PCDH15: variants seen among roughly 807,000 people sequenced by gnomAD.
PCDH15 encodes protocadherin-15.
In PCDH15, 129 loss-of-function variants were observed where a neutral mutation model predicts 178.5. The observed-to-expected ratio is 0.72, with a 90% CI of 0.63 to 0.84. The LOEUF is 0.84. Among genes scored for constraint, PCDH15 ranks in the 40% least tolerant of loss-of-function variants. The pLI is 0.00. For missense variants in PCDH15, 2,230 were observed against 2,099.9 expected, an observed-to-expected ratio of 1.06 and a Z score of -1.21; for synonymous variants, 800 against 732.0, an observed-to-expected ratio of 1.09 and a Z score of -1.50.
chr10:55,582,628 A>ATATATTTTTTTTTT (rs780312007), intron 2 of PCDH15, among the ~76,000 whole-genome samples: 3 of 69,026 alleles, frequency 4.3e-5, no homozygotes, highest in African/African-American at 6.6e-5. Flanking sequence ...ATATATATAT[A>ATATATTTTTTTTTT]TTTTTTTTTT....
At chr10:55,293,246 A>G (rs563050287) in intron 1 of PCDH15, among the ~76,000 whole-genome samples, 1 of 152,294 alleles carries the variant, frequency 6.6e-6, no homozygotes, top group Admixed American at 6.5e-5. Context: ...GCTGTGACAC[A>G]GAGCACCAAG....
At chr10:54,795,602 C>G (rs924989366) in intron 1 of PCDH15, among the ~76,000 whole-genome samples, 1 of 151,830 alleles carries the variant, frequency 6.6e-6, no homozygotes, top group Non-Finnish European at 1.5e-5. Context: ...AAATTTTGGA[C>G]ACTGAGCTAG....
chr10:55,263,381 ACCACCTATGCCTAGAGGTG>A (rs1842197056), intron 1 of PCDH15, among the ~76,000 whole-genome samples: 1 of 152,196 alleles, frequency 6.6e-6, no homozygotes, highest in South Asian at 2.1e-4. Context: ...TGCAAATCAG[ACCACCTATGCCTAGAGGTG>A]CCACCTATGC....
intron 1 of PCDH15, among the ~76,000 whole-genome samples, chr10:55,218,002 A>C (rs549283928): frequency 7.9e-5 from 12 of 152,172 alleles, no homozygotes; most frequent in Non-Finnish European, 1.6e-4. Flanking sequence ...AAATCCTGTC[A>C]GTAGGAGCAT....
intron 2 of PCDH15, among the ~76,000 whole-genome samples, chr10:55,345,157 C>A (rs76327128): frequency 0.068 from 10,152 of 150,350 alleles, 406 homozygotes; most frequent in East Asian, 0.11. Flanking sequence ...CTCTCTCTCT[C>A]TATATATATA....
chr10:55,166,804 A>G (rs1315332209), intron 1 of PCDH15, among the ~76,000 whole-genome samples: 1 of 152,212 alleles, frequency 6.6e-6, no homozygotes, highest in South Asian at 2.1e-4. Context: ...AAAGTAAATG[A>G]GTAAAAGATT....
At position 54,909,548 on chromosome 10, in the gene PCDH15, C is replaced by T. The variant is rs571572371; in HGVS notation, c.-79-12048G>A. On this transcript the variant is annotated intron_variant, in intron 2 of 5. Transcript: ENST00000458638. ...GAGCAGGCCCAACTGTGGGGAGAAG[C>T]CAGACAGTGTGAGCAGTCACTTCTG... 5.3e-5 allele frequency among the ~76,000 whole-genome samples: 8 copies of T among 152,222 alleles called. No homozygotes were observed. The South Asian group carries it at 1.7e-3, about 32-fold the overall frequency.
chr10:54,638,356 T>C (rs1261253797), intron 2 of PCDH15, among the ~76,000 whole-genome samples: 2 of 151,998 alleles, frequency 1.3e-5, no homozygotes, highest in Admixed American at 6.6e-5. Flanking sequence ...TTGACAGACA[T>C]TTACAATTAA....
intron 2 of PCDH15, among the ~76,000 whole-genome samples, chr10:55,519,955 A>T (rs1420413143): frequency 6.7e-6 from 1 of 150,278 alleles, no homozygotes; most frequent in Non-Finnish European, 1.5e-5. Flanking sequence ...TCAAGTCAGT[A>T]ACGCGGGATA....
chr10:55,166,737 C>T (rs1374952501), intron 1 of PCDH15: 3 of 152,110 alleles, frequency 2.0e-5, no homozygotes, highest in African/African-American at 4.8e-5. Flanking sequence ...CATTTTCTTA[C>T]AGATTATGAT....
At chr10:54,854,504 G>C (rs371008344) in intron 3 of PCDH15, among the ~76,000 whole-genome samples, 44 of 152,284 alleles carry the variant, frequency 2.9e-4, no homozygotes, top group African/African-American at 9.6e-4. Context: ...TAAAACAGTT[G>C]AGAGGAAACC....
chr10:55,349,910 T>C (rs1385780422), intron 2 of PCDH15, among the ~76,000 whole-genome samples: 1 of 151,852 alleles, frequency 6.6e-6, no homozygotes, highest in Non-Finnish European at 1.5e-5. Flanking sequence ...CCAATAACTA[T>C]ATTGTTATCA....
At chr10:53,915,465 T>C (rs1356449026) in intron 25 of PCDH15, among the ~76,000 whole-genome samples, 1 of 152,242 alleles carries the variant, frequency 6.6e-6, no homozygotes, top group Non-Finnish European at 1.5e-5. Flanking sequence ...TAATTGCTTG[T>C]ATCTAGAAGA....
intron 2 of PCDH15, among the ~76,000 whole-genome samples, chr10:55,625,748 G>A (rs1218176570): frequency 1.3e-5 from 2 of 152,050 alleles, no homozygotes; most frequent in Non-Finnish European, 1.5e-5. Context: ...GTTGATTTCC[G>A]CTGAAGATAA....
At chr10:54,618,147 A>C (rs1714249693) in intron 2 of PCDH15, among the ~76,000 whole-genome samples, 1 of 152,032 alleles carries the variant, frequency 6.6e-6, no homozygotes, top group African/African-American at 2.4e-5. Flanking sequence ...ATGTATTTTG[A>C]TACCTCCTGT....
At chr10:55,265,458 A>G (rs1842264019) in intron 1 of PCDH15, among the ~76,000 whole-genome samples, 1 of 152,044 alleles carries the variant, frequency 6.6e-6, no homozygotes, top group African/African-American at 2.4e-5. Flanking sequence ...CTGATGGACA[A>G]TGAGAAGCAG....
At chr10:55,374,409 C>T (rs538333293) in intron 2 of PCDH15, among the ~76,000 whole-genome samples, 15 of 152,140 alleles carry the variant, frequency 9.9e-5, no homozygotes, top group African/African-American at 3.6e-4. Flanking sequence ...TTGTTCATTC[C>T]AGTGCTTGAC....
At position 54,991,223 on chromosome 10, in the gene PCDH15, T is replaced by A. The variant is rs74136315; in HGVS notation, c.-79-93723A>T. Among the ~76,000 whole-genome samples, 514 of 152,264 alleles carry A rather than the reference T, an allele frequency of 3.4e-3. 3 individuals carry two copies. Among genetic ancestry groups the A allele is most frequent in the African/African-American group, 0.012 (502 of 41,576 alleles). On this transcript the variant is annotated intron_variant, in intron 2 of 5. Transcript: ENST00000458638. Reference sequence around the variant, plus strand: ...TTTTTAAGAATGCTAGTTTCTTGCATAAAAAGCATTATTACCAACCAATGG... The same window carrying A: ...TTTTTAAGAATGCTAGTTTCTTGCAAAAAAAGCATTATTACCAACCAATGG...
intron 2 of PCDH15, among the ~76,000 whole-genome samples, chr10:55,476,167 AT>A (rs1241048836): frequency 6.6e-6 from 1 of 152,074 alleles, no homozygotes; most frequent in African/African-American, 2.4e-5. Flanking sequence ...GATTGATTTG[AT>A]TGCTATGGAA....
Sources: allele counts gnomAD v4.1 joint callset (sites outside exome capture counted in the v4.1 genomes callset), GRCh38; gene constraint gnomAD v4.1.1; transcripts MANE v1.5; gene names NCBI Gene and HGNC (gene_info 2026-07-23, HGNC 2026-07-21).